The following KCNH1 variants were observed in gnomAD, a reference collection of about 807,000 sequenced individuals.
KCNH1 encodes potassium voltage-gated channel subfamily H member 1, also known as voltage-gated delayed rectifier potassium channel KCNH1.
KCNH1 carries 27 observed loss-of-function variants against 69.2 expected under a neutral mutation model. That is an observed-to-expected ratio of 0.39 (90% CI 0.29 to 0.54). The LOEUF (loss-of-function observed/expected upper bound fraction) is 0.54. Ranked by LOEUF, KCNH1 falls within the 20% of genes least tolerant of loss-of-function variation. The pLI is 0.68. For missense variants in KCNH1, 798 were observed against 1,261.6 expected (o/e 0.63, Z 5.57); for synonymous variants, 456 against 487.7 (o/e 0.93, Z 0.86).
intron 1 of KCNH1, among the ~76,000 whole-genome samples, chr1:211,127,120 G>C (rs1422111020): frequency 6.6e-6 from 1 of 152,286 alleles, no homozygotes; most frequent in East Asian, 1.9e-4. Context: ...CATCACAAAA[G>C]CTGTACTCAT....
chr1:210,799,543 T>G (rs1010775940), intron 8 of KCNH1, among the ~76,000 whole-genome samples: 1 of 152,204 alleles, frequency 6.6e-6, no homozygotes, highest in Non-Finnish European at 1.5e-5. Context: ...ACTAAATGTT[T>G]GCAATAAAAC....
At chr1:211,082,531 C>T (rs1027373578) in intron 5 of KCNH1, among the ~76,000 whole-genome samples, 5 of 152,144 alleles carry the variant, frequency 3.3e-5, no homozygotes, top group African/African-American at 1.2e-4. Context: ...AGTGATTTGA[C>T]ACTTTTAATC....
At chr1:210,853,408 G>A (rs1481013049) in intron 7 of KCNH1, among the ~76,000 whole-genome samples, 1 of 152,200 alleles carries the variant, frequency 6.6e-6, no homozygotes, top group Non-Finnish European at 1.5e-5. Context: ...CTTGGCCACT[G>A]AGGCAGATGA....
At chr1:210,848,793 C>T (rs983888213) in intron 7 of KCNH1, among the ~76,000 whole-genome samples, 1 of 152,064 alleles carries the variant, frequency 6.6e-6, no homozygotes, top group Non-Finnish European at 1.5e-5. Flanking sequence ...CAACTGGGCC[C>T]CCATTTCAAT....
intron 7 of KCNH1, among the ~76,000 whole-genome samples, chr1:210,911,592 T>C: frequency 6.9e-6 from 1 of 144,920 alleles, no homozygotes; most frequent in Non-Finnish European, 1.5e-5. Flanking sequence ...ACATCAGATA[T>C]ATATTTCTTT....
chr1:210,844,158 C>T (rs1198223549), intron 7 of KCNH1, among the ~76,000 whole-genome samples: 1 of 152,106 alleles, frequency 6.6e-6, no homozygotes, highest in Non-Finnish European at 1.5e-5. Context: ...GGAAAAAACA[C>T]CTTGGTGATA....
chr1:210,847,630 A>G (rs1412100527), intron 7 of KCNH1, among the ~76,000 whole-genome samples: 2 of 152,068 alleles, frequency 1.3e-5, no homozygotes, highest in Non-Finnish European at 1.5e-5. Flanking sequence ...ACCTAATGCT[A>G]AATGACGAGT....
intron 5 of KCNH1, among the ~76,000 whole-genome samples, chr1:211,038,155 G>A (rs973929204): frequency 2.0e-5 from 3 of 151,896 alleles, no homozygotes; most frequent in African/African-American, 2.4e-5. Context: ...TAGAGACGGG[G>A]TTTCACCGTG....
At chr1:210,813,781 G>T (rs1405499613) in intron 7 of KCNH1, among the ~76,000 whole-genome samples, 1 of 152,156 alleles carries the variant, frequency 6.6e-6, no homozygotes, top group Non-Finnish European at 1.5e-5. Flanking sequence ...ATCTTGAATT[G>T]CAGCTACCAT....
chr1:210,844,078 CAGCA>C (rs1685482621), intron 7 of KCNH1, among the ~76,000 whole-genome samples: 1 of 152,164 alleles, frequency 6.6e-6, no homozygotes, highest in Admixed American at 6.5e-5. Flanking sequence ...TAGGGATTTC[CAGCA>C]AGCCAAGTTA....
At chr1:211,020,879 A>G (rs550327790) in intron 5 of KCNH1, among the ~76,000 whole-genome samples, 4 of 148,382 alleles carry the variant, frequency 2.7e-5, no homozygotes, top group East Asian at 1.9e-4. Flanking sequence ...AGCAGTAGGG[A>G]AAAAAAAATG....
intron 5 of KCNH1, among the ~76,000 whole-genome samples, chr1:211,038,163 G>A (rs568427919): frequency 3.3e-5 from 5 of 151,880 alleles, no homozygotes; most frequent in East Asian, 3.9e-4. Context: ...GGGTTTCACC[G>A]TGTTAGCCAG....
intron 6 of KCNH1, among the ~76,000 whole-genome samples, chr1:210,982,705 T>C (rs1688738038): frequency 6.6e-6 from 1 of 152,192 alleles, no homozygotes; most frequent in African/African-American, 2.4e-5. Flanking sequence ...GTCTTTGCTA[T>C]TGTGAATAGT....
intron 10 of KCNH1, among the ~76,000 whole-genome samples, chr1:210,774,518 C>T (rs1574248121): frequency 6.6e-6 from 1 of 152,078 alleles, no homozygotes; most frequent in South Asian, 2.1e-4. Flanking sequence ...AAATAGGAAC[C>T]GTGAGACAGT....
At chr1:210,986,362 C>G (rs1255623431) in intron 6 of KCNH1, among the ~76,000 whole-genome samples, 1 of 152,222 alleles carries the variant, frequency 6.6e-6, no homozygotes, top group Non-Finnish European at 1.5e-5. Context: ...TTAGTTGATG[C>G]AACTTCTTCC....
chr1:210,901,806 A>C (rs1042097278), intron 7 of KCNH1, among the ~76,000 whole-genome samples: 2 of 152,192 alleles, frequency 1.3e-5, no homozygotes, highest in African/African-American at 4.8e-5. Context: ...ACAGTGTCTT[A>C]TATTCCATTT....
At chr1:210,917,927 G>T (rs1687381967) in intron 7 of KCNH1, among the ~76,000 whole-genome samples, 1 of 152,144 alleles carries the variant, frequency 6.6e-6, no homozygotes, top group Admixed American at 6.5e-5. Context: ...GCCACCCACA[G>T]ATCCTTAACA....
intron 8 of KCNH1, among the ~76,000 whole-genome samples, 180 bp from the exon 9 acceptor site, chr1:210,797,940 T>A (rs949225527): frequency 3.3e-5 from 5 of 152,012 alleles, no homozygotes; most frequent in African/African-American, 1.2e-4. Context: ...CTAAAAAAAA[T>A]CTGTGCTGAA....
In KCNH1 at chr1:210,846,360, T is replaced by C. The variant is rs567839034; in HGVS notation, c.1463-42194A>G. Among the ~76,000 whole-genome samples the C allele has an allele frequency of 2.0e-5, 3 of 152,294 alleles. No individual in the cohort carries two copies. In the East Asian group the frequency reaches 5.8e-4, roughly 29 times the overall value. On this transcript the variant is annotated intron_variant, in intron 7 of 10. Transcript: ENST00000271751. ...CAAGGCTACAGTAATCAAAACAGCA[T>C]GGTACTGGTACCAAAACAGAGATAT...
Sources: allele counts gnomAD v4.1 joint callset (sites outside exome capture counted in the v4.1 genomes callset), GRCh38; gene constraint gnomAD v4.1.1; transcripts MANE v1.5; gene names NCBI Gene and HGNC (gene_info 2026-07-23, HGNC 2026-07-21).